The following CFTR variants were observed in gnomAD, a reference collection of about 807,000 sequenced individuals.
The protein encoded by CFTR is CF transmembrane conductance regulator.
A neutral mutation model predicts 171.6 loss-of-function variants in CFTR; 181 were observed. That is an observed-to-expected ratio of 1.05 (90% CI 0.93 to 1.19). The LOEUF is 1.19. Ranked by LOEUF, CFTR falls within the 50% of genes most tolerant of loss-of-function variation. The pLI, the probability that CFTR is intolerant of heterozygous loss-of-function variation, is 0.00. For missense variants in CFTR, 1,968 were observed against 1,734.7 expected (o/e 1.13, Z -2.39); for synonymous variants, 583 against 608.0 (o/e 0.96, Z 0.60).
At chr7:117,610,399 A>T (rs1476819283) in intron 18 of CFTR, 120 bp from the exon 19 acceptor site, 2 of 834,682 alleles carry the variant, frequency 2.4e-6, no homozygotes, top group South Asian at 1.6e-5. Flanking sequence ...AAAAAATAAA[A>T]AAAAGTTTGA....
chr7:117,511,285 C>T (rs2116644677), intron 3 of CFTR, among the ~76,000 whole-genome samples: 1 of 152,144 alleles, frequency 6.6e-6, no homozygotes, highest in Non-Finnish European at 1.5e-5. Context: ...ATGAAATCCA[C>T]CCAAGAACCA....
intron 1 of CFTR, among the ~76,000 whole-genome samples, chr7:117,489,837 A>G (rs1424075329): frequency 6.6e-6 from 1 of 151,928 alleles, no homozygotes; most frequent in Non-Finnish European, 1.5e-5. Flanking sequence ...CTGTCTATAA[A>G]ATAATATTTT....
chr7:117,615,928 T>C (rs942408991), intron 21 of CFTR, among the ~76,000 whole-genome samples: 1 of 152,086 alleles, frequency 6.6e-6, no homozygotes, highest in African/African-American at 2.4e-5. Flanking sequence ...AAGTTAGGAA[T>C]GACTGTGCAA....
rs758745885 is a variant in CFTR at position 117,559,608 on chromosome 7, G to T, written c.1537G>T (p.Asp513Tyr). ...KENIIFGVSYDEYRYRSVIKA... is the reference protein window; with the variant it reads ...KENIIFGVSYYEYRYRSVIKA... ...AAATATCATCTTTGGTGTTTCCTAT[G>T]ATGAATATAGATACAGAAGCGTCAT... The change falls in exon 11 of 27, where the codon GAT (aspartate) becomes TAT (tyrosine). Residue 513 changes from aspartate to tyrosine, a missense_variant. Asp to Tyr is a radical substitution (Grantham distance 160, BLOSUM62 -3). Coordinates refer to ENST00000003084, the MANE Select transcript of CFTR (RefSeq NM_000492.4). 1 of 1,613,324 alleles carries T rather than the reference G, an allele frequency of 6.2e-7. No individual in the cohort carries two copies.
chr7:117,609,832 G>T (rs1792355443), intron 18 of CFTR, among the ~76,000 whole-genome samples: 1 of 151,988 alleles, frequency 6.6e-6, no homozygotes, highest in Non-Finnish European at 1.5e-5. Context: ...TAAAGTGTCT[G>T]GGAAATGAAA....
At chr7:117,612,629 G>A (rs1295022468) in intron 20 of CFTR, among the ~76,000 whole-genome samples, 1 of 151,986 alleles carries the variant, frequency 6.6e-6, no homozygotes, top group Non-Finnish European at 1.5e-5. Context: ...AAATCTGTAG[G>A]ATCATTTGAT....
intron 10 of CFTR, among the ~76,000 whole-genome samples, chr7:117,556,406 C>T (rs1173514342): frequency 1.3e-5 from 2 of 150,806 alleles, no homozygotes; most frequent in African/African-American, 4.9e-5. Flanking sequence ...GGAAACTTGT[C>T]TTCTTTTCCC....
chr7:117,655,515 AT>A (rs1793153292), intron 24 of CFTR, among the ~76,000 whole-genome samples: 2 of 152,180 alleles, frequency 1.3e-5, no homozygotes, highest in Admixed American at 6.5e-5. Context: ...CGGTAAGAAG[AT>A]AGTAGCTTTC....
At chr7:117,501,753 AAAAAAAAAAAAAAAAAAAGAAAC>A in intron 1 of CFTR, among the ~76,000 whole-genome samples, 1 of 144,970 alleles carries the variant, frequency 6.9e-6, no homozygotes, top group South Asian at 2.1e-4. Flanking sequence ...GTCTCAAAAA[AAAAAAAAAAAAAAAAAAAGAAAC>A]AAAAAAAAAA....
At chr7:117,542,228 G>T (rs1047481575) in intron 9 of CFTR, 120 bp downstream of exon 9, 6 of 674,716 alleles carry the variant, frequency 8.9e-6, no homozygotes, top group Non-Finnish European at 1.7e-5. Context: ...AGAACTGGAA[G>T]GAGGATCACT....
intron 18 of CFTR, among the ~76,000 whole-genome samples, chr7:117,608,307 C>A (rs535033297): frequency 6.6e-6 from 1 of 152,014 alleles, no homozygotes; most frequent in Non-Finnish European, 1.5e-5. Flanking sequence ...TCGGTTCAAG[C>A]GATTCTCTCG....
Position 117,591,923 on chromosome 7 carries a change from A to G in CFTR, c.1767-11A>G, listed in dbSNP as rs922145789. On this transcript the variant is annotated splice_polypyrimidine_tract_variant and intron_variant, in intron 13 of 26. Coordinates refer to ENST00000003084, the MANE Select transcript of CFTR (RefSeq NM_000492.4). ...ATAAAATTGATATTTATATGTTTTT[A>G]TATCTTAAAGCTGTGTCTGTAAACT... 4 of 1,520,684 alleles carry G rather than the reference A, an allele frequency of 2.6e-6. No individual in the cohort carries two copies. Among genetic ancestry groups the G allele is most frequent in the African/African-American group, 2.8e-5 (2 of 71,748 alleles). The allele number at this position is 1,520,684 out of a possible 1,614,324, so 94.2% of individuals were successfully genotyped here.
chr7:117,625,357 A>G (rs1440289785), intron 21 of CFTR, among the ~76,000 whole-genome samples: 1 of 152,174 alleles, frequency 6.6e-6, no homozygotes, highest in Non-Finnish European at 1.5e-5. Context: ...TTCACCCTCT[A>G]TGGTGAGCTT....
intron 10 of CFTR, among the ~76,000 whole-genome samples, chr7:117,554,099 C>T (rs1799313695): frequency 6.6e-6 from 1 of 152,076 alleles, no homozygotes; most frequent in Non-Finnish European, 1.5e-5. Context: ...AGATTAGAGG[C>T]CACTGGAGAG....
At chr7:117,513,326 G>A (rs1798550212) in intron 3 of CFTR, among the ~76,000 whole-genome samples, 1 of 151,814 alleles carries the variant, frequency 6.6e-6, no homozygotes, top group African/African-American at 2.4e-5. Flanking sequence ...GTAGCAAAGG[G>A]GGTCTTGTTT....
intron 1 of CFTR, among the ~76,000 whole-genome samples, chr7:117,491,572 T>A (rs747732734): frequency 6.6e-6 from 1 of 152,030 alleles, no homozygotes; most frequent in Non-Finnish European, 1.5e-5. Context: ...TCTGGTGGTT[T>A]GCTAGAAATC....
Position 117,610,623 on chromosome 7 carries a change from A to G in CFTR, c.3093A>G (p.Ala1031=), listed in dbSNP as rs748522610. 8.7e-6 allele frequency: 14 copies of G among 1,613,526 alleles called. No individual in the cohort carries two copies. The South Asian group carries it at 1.2e-4, about 14-fold the overall frequency. Residue 1031 remains alanine (A), a synonymous_variant, in exon 19 of 27, where the codon GCA becomes GCG. Coordinates refer to ENST00000003084, the MANE Select transcript of CFTR (RefSeq NM_000492.4). ...TAGTGGCTTTTATTATGTTGAGAGCATATTTCCTCCAAACCTCACAGCAAC... is the reference window on the plus strand; with the variant it reads ...TAGTGGCTTTTATTATGTTGAGAGCGTATTTCCTCCAAACCTCACAGCAAC... ...PVIVAFIMLR[A]YFLQTSQQLK... is the part of the protein sequence containing the mutation.
intron 7 of CFTR, among the ~76,000 whole-genome samples, chr7:117,539,282 G>A (rs1483399448): frequency 2.0e-5 from 3 of 152,274 alleles, no homozygotes; most frequent in Non-Finnish European, 4.4e-5. Context: ...ATTTCCATTT[G>A]CATTTCAGAC....
chr7:117,518,103 C>G (rs1798623971), intron 3 of CFTR, among the ~76,000 whole-genome samples: 1 of 151,862 alleles, frequency 6.6e-6, no homozygotes, highest in Admixed American at 6.6e-5. Context: ...GATTCTGGTA[C>G]ATAGCAAGTG....
Sources: allele counts gnomAD v4.1 joint callset (sites outside exome capture counted in the v4.1 genomes callset), GRCh38; gene constraint gnomAD v4.1.1; transcripts MANE v1.5; gene names NCBI Gene and HGNC (gene_info 2026-07-23, HGNC 2026-07-21).